GALNT11: variants seen among roughly 807,000 people sequenced by gnomAD.
GALNT11 encodes the protein polypeptide N-acetylgalactosaminyltransferase 11, also known as UDP-GalNAc:polypeptide N-acetylgalactosaminyltransferase 11.
GALNT11 carries 47 observed loss-of-function variants against 72.7 expected under a neutral mutation model. The observed-to-expected ratio is 0.65, with a 90% CI of 0.51 to 0.82. The LOEUF (loss-of-function observed/expected upper bound fraction) is 0.82, where lower values mean the gene tolerates loss of function less well. GALNT11 is among the 40% of genes least tolerant of loss of function. The pLI is 0.00. For missense variants in GALNT11, 677 were observed against 778.4 expected (o/e 0.87, Z 1.55); for synonymous variants, 270 against 286.6 (o/e 0.94, Z 0.58).
At chr7:152,086,182 G>A (rs983302956) in intron 1 of GALNT11, among the ~76,000 whole-genome samples, 2 of 151,846 alleles carry the variant, frequency 1.3e-5, no homozygotes, top group Non-Finnish European at 2.9e-5. Context: ...CACCACACCC[G>A]GCCCAATTTT....
intron 9 of GALNT11, 67 bp downstream of exon 9, chr7:152,117,442 A>G (rs747877498): frequency 3.7e-5 from 55 of 1,467,860 alleles, no homozygotes; most frequent in Non-Finnish European, 2.0e-5. Flanking sequence ...TGAGGTGTCC[A>G]TAAGCTATGA....
intron 1 of GALNT11, among the ~76,000 whole-genome samples, chr7:152,052,672 T>G (rs924893232): frequency 1.4e-4 from 22 of 152,318 alleles, no homozygotes; most frequent in African/African-American, 5.1e-4. Context: ...TCTCAGGCCC[T>G]TCCTGGGTTC....
chr7:152,120,839 C>A lies in GALNT11; in HGVS notation c.1566C>A (p.Ile522=). The change falls in exon 11 of 12, where the codon ATC becomes ATA. Residue 522 remains isoleucine, a synonymous_variant. Coordinates refer to ENST00000430044, the MANE Select transcript of GALNT11 (RefSeq NM_022087.4). ...CDYSDPNQIW[I]YNEEHELVLN... is the part of the protein sequence containing the mutation. ...TTATTTTTCTTCTCTAGATCTGGAT[C>A]TATAATGAAGAGCATGAATTGGTTT... 1.2e-6 allele frequency: 2 copies of A among 1,603,858 alleles called. No individual in the cohort carries two copies. Among genetic ancestry groups the A allele is most frequent in the Non-Finnish European group, 1.7e-6 (2 of 1,172,132 alleles).
At chr7:152,043,878 C>T (rs2082992779) in intron 1 of GALNT11, among the ~76,000 whole-genome samples, 1 of 152,152 alleles carries the variant, frequency 6.6e-6, no homozygotes, top group Non-Finnish European at 1.5e-5. Context: ...TGGAATGAAC[C>T]AGAGCCCACA....
At chr7:152,040,740 C>T (rs374441249) in intron 1 of GALNT11, among the ~76,000 whole-genome samples, 7 of 152,168 alleles carry the variant, frequency 4.6e-5, no homozygotes, top group African/African-American at 1.4e-4. Flanking sequence ...CATTAATAGG[C>T]ATATTAAAAG....
intron 1 of GALNT11, among the ~76,000 whole-genome samples, chr7:152,061,653 A>T (rs1281798767): frequency 6.6e-6 from 1 of 152,178 alleles, no homozygotes; most frequent in Non-Finnish European, 1.5e-5. Context: ...ATTTTTGTAT[A>T]AGGTGTAAGG....
intron 1 of GALNT11, among the ~76,000 whole-genome samples, chr7:152,055,630 A>T (rs1779468729): frequency 6.6e-6 from 1 of 151,320 alleles, no homozygotes; most frequent in African/African-American, 2.4e-5. Context: ...TGTTAAGAGG[A>T]TACTTTTTAA....
intron 1 of GALNT11, among the ~76,000 whole-genome samples, chr7:152,040,757 A>G (rs2082818672): frequency 6.6e-6 from 1 of 152,258 alleles, no homozygotes; most frequent in Admixed American, 6.5e-5. Flanking sequence ...AAAGCAGTCA[A>G]TACCTCAATT....
chr7:152,046,563 C>G (rs978253933), intron 1 of GALNT11, among the ~76,000 whole-genome samples: 1 of 152,034 alleles, frequency 6.6e-6, no homozygotes, highest in African/African-American at 2.4e-5. Context: ...GACCTTGTCT[C>G]TTTATAGTTT....
chr7:152,045,589 CCT>C (rs1379221345), intron 1 of GALNT11, among the ~76,000 whole-genome samples: 1 of 151,990 alleles, frequency 6.6e-6, no homozygotes, highest in African/African-American at 2.4e-5. Flanking sequence ...CTCATAGTAG[CCT>C]CTCATGATCT....
At chr7:152,052,824 T>C (rs1483713150) in intron 1 of GALNT11, among the ~76,000 whole-genome samples, 1 of 152,260 alleles carries the variant, frequency 6.6e-6, no homozygotes, top group Non-Finnish European at 1.5e-5. Flanking sequence ...AACTTGAATC[T>C]CATAGGCATT....
intron 1 of GALNT11, among the ~76,000 whole-genome samples, chr7:152,034,659 A>G (rs966234579): frequency 6.6e-6 from 1 of 152,122 alleles, no homozygotes; most frequent in African/African-American, 2.4e-5. Context: ...GCTGATCGGA[A>G]TAGTTGCACT....
chr7:152,051,508 T>C (rs1260403469), intron 1 of GALNT11, among the ~76,000 whole-genome samples: 2 of 152,154 alleles, frequency 1.3e-5, no homozygotes, highest in Non-Finnish European at 1.5e-5. Context: ...ATTTGGTCTA[T>C]TCCTTTCTAC....
chr7:152,035,486 GC>G (rs2082525523), intron 1 of GALNT11, among the ~76,000 whole-genome samples: 1 of 152,150 alleles, frequency 6.6e-6, no homozygotes, highest in Non-Finnish European at 1.5e-5. Context: ...CGAGAGTTCT[GC>G]TCATGGCCAC....
At chr7:152,118,917 C>G in intron 10 of GALNT11, 135 bp downstream of exon 10, 1 of 607,714 alleles carries the variant, frequency 1.6e-6, no homozygotes, top group South Asian at 2.7e-5. Context: ...TGTAGTGTTG[C>G]GTTATTGGAA....
intron 1 of GALNT11, among the ~76,000 whole-genome samples, chr7:152,045,845 C>G (rs1309719304): frequency 6.6e-6 from 1 of 151,446 alleles, no homozygotes; most frequent in East Asian, 1.9e-4. Flanking sequence ...TCTTGCTTTT[C>G]TTCTTGCTTT....
intron 7 of GALNT11, 46 bp from the exon 8 acceptor site, chr7:152,113,200 C>A: frequency 6.5e-7 from 1 of 1,539,796 alleles, no homozygotes; most frequent in Non-Finnish European, 8.7e-7. Flanking sequence ...ATTGGTTTCA[C>A]AACAACATGA....
chr7:152,096,551 T>A (rs2086388299), intron 2 of GALNT11, among the ~76,000 whole-genome samples: 1 of 152,012 alleles, frequency 6.6e-6, no homozygotes, highest in Non-Finnish European at 1.5e-5. Flanking sequence ...ACCCTATCTC[T>A]ACTAAAATAC....
At chr7:152,077,157 A>G (rs1295330012) in intron 1 of GALNT11, among the ~76,000 whole-genome samples, 1 of 152,166 alleles carries the variant, frequency 6.6e-6, no homozygotes, top group Non-Finnish European at 1.5e-5. Flanking sequence ...CCTAGCCTGC[A>G]CTCTTTGAAA....
Sources: allele counts gnomAD v4.1 joint callset (sites outside exome capture counted in the v4.1 genomes callset), GRCh38; gene constraint gnomAD v4.1.1; transcripts MANE v1.5; gene names NCBI Gene and HGNC (gene_info 2026-07-23, HGNC 2026-07-21).